Variants in KCTD8 observed in about 807,000 individuals in gnomAD.
The protein encoded by KCTD8 is potassium channel tetramerization domain containing 8.
In KCTD8, 27 loss-of-function variants were observed where a neutral mutation model predicts 31.5. The ratio of observed to expected loss-of-function variants is 0.86; its 90% CI spans 0.63 to 1.18. KCTD8 has a LOEUF of 1.18. Ranked by LOEUF, KCTD8 falls within the 50% of genes most tolerant of loss-of-function variation. The pLI, the probability that KCTD8 is intolerant of heterozygous loss-of-function variation, is 0.00. For synonymous variants in KCTD8, 290 were observed against 280.0 expected, an observed-to-expected ratio of 1.04 and a Z score of -0.36; for missense variants, 658 against 647.7, an observed-to-expected ratio of 1.02 and a Z score of -0.17.
At chr4:44,433,718 T>G (rs2109479341) in intron 1 of KCTD8, among the ~76,000 whole-genome samples, 1 of 151,744 alleles carries the variant, frequency 6.6e-6, no homozygotes, top group African/African-American at 2.4e-5. Context: ...TATTTCCTTA[T>G]TTTTTCCACC....
At chr4:44,402,793 T>G (rs1720697474) in intron 1 of KCTD8, among the ~76,000 whole-genome samples, 1 of 152,232 alleles carries the variant, frequency 6.6e-6, no homozygotes, top group Non-Finnish European at 1.5e-5. Flanking sequence ...AGAAGCTGAA[T>G]TAGGAATACC....
chr4:44,377,551 G>C (rs1719947660), intron 1 of KCTD8, among the ~76,000 whole-genome samples: 1 of 152,162 alleles, frequency 6.6e-6, no homozygotes. Flanking sequence ...CTTGGTCCCA[G>C]ATTTAACATA....
intron 1 of KCTD8, among the ~76,000 whole-genome samples, chr4:44,225,350 T>C (rs1277668139): frequency 2.6e-5 from 4 of 152,230 alleles, no homozygotes; most frequent in Non-Finnish European, 5.9e-5. Flanking sequence ...AGGAGCAAAC[T>C]TAAGCCCATA....
intron 1 of KCTD8, among the ~76,000 whole-genome samples, chr4:44,432,917 G>T (rs1380232723): frequency 6.6e-6 from 1 of 151,378 alleles, no homozygotes; most frequent in African/African-American, 2.4e-5. Context: ...AACTTGTTTC[G>T]CCCATAGCTT....
intron 1 of KCTD8, among the ~76,000 whole-genome samples, chr4:44,228,195 C>T (rs1175294362): frequency 6.6e-6 from 1 of 152,132 alleles, no homozygotes; most frequent in Non-Finnish European, 1.5e-5. Flanking sequence ...TCACAATTCT[C>T]GGGCTAGAAT....
At chr4:44,400,485 T>C (rs1266371584) in intron 1 of KCTD8, among the ~76,000 whole-genome samples, 1 of 151,752 alleles carries the variant, frequency 6.6e-6, no homozygotes, top group Non-Finnish European at 1.5e-5. Flanking sequence ...TCCCAACACT[T>C]TGGGAGGCCG....
chr4:44,349,443 G>A (rs932340147), intron 1 of KCTD8, among the ~76,000 whole-genome samples: 11 of 152,080 alleles, frequency 7.2e-5, no homozygotes, highest in African/African-American at 9.7e-5. Flanking sequence ...GTCCAACATC[G>A]GGCAGGAATG....
At chr4:44,238,969 T>G (rs895687662) in intron 1 of KCTD8, among the ~76,000 whole-genome samples, 1 of 152,176 alleles carries the variant, frequency 6.6e-6, no homozygotes, top group African/African-American at 2.4e-5. Flanking sequence ...GGAAGTAGAA[T>G]AATAGAAGTT....
chr4:44,347,559 G>A (rs1431690456), intron 1 of KCTD8, among the ~76,000 whole-genome samples: 5 of 152,122 alleles, frequency 3.3e-5, no homozygotes, highest in Non-Finnish European at 7.4e-5. Flanking sequence ...ATTGTTTAGT[G>A]CACTATTCTT....
intron 1 of KCTD8, among the ~76,000 whole-genome samples, chr4:44,271,912 T>C (rs1716618338): frequency 6.6e-6 from 1 of 152,014 alleles, no homozygotes; most frequent in Non-Finnish European, 1.5e-5. Context: ...GCTATATTTC[T>C]GTGTGTGTGT....
intron 1 of KCTD8, among the ~76,000 whole-genome samples, chr4:44,252,924 T>C (rs1229630386): frequency 6.6e-6 from 1 of 151,738 alleles, no homozygotes; most frequent in Non-Finnish European, 1.5e-5. Flanking sequence ...AGGTTCATCA[T>C]AACTTAAAAA....
At chr4:44,298,252 T>C (rs1278784535) in intron 1 of KCTD8, among the ~76,000 whole-genome samples, 2 of 152,118 alleles carry the variant, frequency 1.3e-5, no homozygotes, top group African/African-American at 4.8e-5. Context: ...TCAGACCCCT[T>C]CCTTTCCCAT....
intron 1 of KCTD8, among the ~76,000 whole-genome samples, chr4:44,405,933 A>T (rs1720785066): frequency 6.6e-6 from 1 of 152,088 alleles, no homozygotes; most frequent in Non-Finnish European, 1.5e-5. Flanking sequence ...AGAGGAGAAG[A>T]AAAGGGTACC....
At chr4:44,190,869 T>C (rs1713744842) in intron 1 of KCTD8, among the ~76,000 whole-genome samples, 1 of 152,200 alleles carries the variant, frequency 6.6e-6, no homozygotes, top group Non-Finnish European at 1.5e-5. Flanking sequence ...ATAAACATTT[T>C]ATAAAACAAA....
At chr4:44,398,669 T>C (rs1720571128) in intron 1 of KCTD8, among the ~76,000 whole-genome samples, 1 of 152,186 alleles carries the variant, frequency 6.6e-6, no homozygotes, top group African/African-American at 2.4e-5. Context: ...TACAAACTCA[T>C]TTCACAGCTG....
intron 1 of KCTD8, among the ~76,000 whole-genome samples, chr4:44,401,015 T>C (rs899361588): frequency 3.7e-5 from 5 of 136,448 alleles, no homozygotes; most frequent in Admixed American, 7.3e-5. Flanking sequence ...TTCTTTCTTT[T>C]TTTTTTTTTT....
chr4:44,409,182 C>T (rs1022814400), intron 1 of KCTD8, among the ~76,000 whole-genome samples: 1 of 150,138 alleles, frequency 6.7e-6, no homozygotes, highest in Admixed American at 6.6e-5. Context: ...CGTGATTGTG[C>T]CATTGTACTC....
At chr4:44,237,836 G>A (rs562301096) in intron 1 of KCTD8, among the ~76,000 whole-genome samples, 1 of 152,160 alleles carries the variant, frequency 6.6e-6, no homozygotes, top group Non-Finnish European at 1.5e-5. Flanking sequence ...AATCTCAGGT[G>A]TTGGAGGACA....
intron 1 of KCTD8, among the ~76,000 whole-genome samples, chr4:44,233,594 G>C (rs1715185176): frequency 6.6e-6 from 1 of 152,130 alleles, no homozygotes. Context: ...ACAGAACCTG[G>C]CCTGCTGTCA....
Sources: allele counts gnomAD v4.1 joint callset (sites outside exome capture counted in the v4.1 genomes callset), GRCh38; gene constraint gnomAD v4.1.1; transcripts MANE v1.5; gene names NCBI Gene and HGNC (gene_info 2026-07-23, HGNC 2026-07-21).